The following SHQ1 variants were observed in gnomAD, a reference collection of about 807,000 sequenced individuals.
SHQ1 encodes SHQ1, H/ACA ribonucleoprotein assembly factor.
SHQ1 carries 49 observed loss-of-function variants against 53.8 expected under a neutral mutation model. The ratio of observed to expected loss-of-function variants is 0.91; its 90% confidence interval spans 0.72 to 1.16. The LOEUF (loss-of-function observed/expected upper bound fraction) is 1.16. Among genes scored for constraint, SHQ1 ranks in the 50% most tolerant of loss-of-function variants. The pLI, the probability that SHQ1 is intolerant of heterozygous loss-of-function variation, is 0.00. For missense variants in SHQ1, 738 were observed against 683.1 expected, an observed-to-expected ratio of 1.08 and a Z score of -0.90; for synonymous variants, 243 against 251.0, an observed-to-expected ratio of 0.97 and a Z score of 0.30.
chr3:72,842,154 T>C, intron 3 of SHQ1, 126 bp downstream of exon 3: 1 of 1,010,976 alleles, frequency 9.9e-7, no homozygotes, highest in Non-Finnish European at 1.4e-6. Context: ...TGGTTTCACA[T>C]GATCACCTTA....
chr3:72,766,804 C>T (rs768970095), intron 10 of SHQ1, among the ~76,000 whole-genome samples: 27 of 152,062 alleles, frequency 1.8e-4, no homozygotes, highest in Non-Finnish European at 2.9e-4. Flanking sequence ...CTAATCAATC[C>T]CCAGCTGGAG....
At chr3:72,754,381 CTTCT>C (rs1559658507) in intron 10 of SHQ1, among the ~76,000 whole-genome samples, 2 of 150,106 alleles carry the variant, frequency 1.3e-5, no homozygotes, top group African/African-American at 2.5e-5. Context: ...TCTTTTTCTT[CTTCT>C]TTTTTTTTTT....
intron 10 of SHQ1, among the ~76,000 whole-genome samples, chr3:72,783,841 C>A (rs1706144470): frequency 6.6e-6 from 1 of 152,026 alleles, no homozygotes; most frequent in Non-Finnish European, 1.5e-5. Flanking sequence ...AGCATTTAAG[C>A]TCTTGAATAA....
At chr3:72,842,899 C>G (rs996259291) in intron 2 of SHQ1, among the ~76,000 whole-genome samples, 1 of 152,032 alleles carries the variant, frequency 6.6e-6, no homozygotes, top group African/African-American at 2.4e-5. Context: ...CATGGTGAAA[C>G]CCCATCTCTA....
At chr3:72,738,835 C>T in the SHQ1 span, among the ~76,000 whole-genome samples, 18 of 152,342 alleles carry the variant, frequency 1.2e-4, no homozygotes, top group Non-Finnish European at 2.1e-4. Flanking sequence ...GACCCTCCTC[C>T]AGGCACCTGC....
At chr3:72,755,242 T>G (rs1705475313) in intron 10 of SHQ1, among the ~76,000 whole-genome samples, 1 of 151,568 alleles carries the variant, frequency 6.6e-6, no homozygotes, top group South Asian at 2.1e-4. Context: ...TACAATAAGT[T>G]GATGGATGGA....
the SHQ1 span, among the ~76,000 whole-genome samples, chr3:72,737,607 T>C: frequency 1.1e-3 from 173 of 152,240 alleles, no homozygotes; most frequent in Non-Finnish European, 1.9e-3. Flanking sequence ...GCATATAACC[T>C]ATGTGCATCC....
intron 6 of SHQ1, among the ~76,000 whole-genome samples, chr3:72,819,711 G>T (rs1707419774): frequency 6.6e-6 from 1 of 152,100 alleles, no homozygotes; most frequent in African/African-American, 2.4e-5. Context: ...AACATGTTTT[G>T]TTCAAGGGTC....
At chr3:72,732,396 T>G in the SHQ1 span, among the ~76,000 whole-genome samples, 11 of 133,526 alleles carry the variant, frequency 8.2e-5, no homozygotes, top group African/African-American at 3.3e-4. Context: ...CTGCCTTCCT[T>G]CCTTCCTTCC....
downstream of SHQ1, among the ~76,000 whole-genome samples, chr3:72,746,840 AGG>A (rs1444821506): frequency 6.6e-6 from 1 of 152,206 alleles, no homozygotes; most frequent in African/African-American, 2.4e-5. Context: ...GAAGTAAATG[AGG>A]GGAGTTACAG....
chr3:72,763,022 T>TACACACACACACAC (rs35278618), intron 10 of SHQ1, among the ~76,000 whole-genome samples: 1 of 132,648 alleles, frequency 7.5e-6, no homozygotes, highest in Non-Finnish European at 1.6e-5. Context: ...CATCTTGTTT[T>TACACACACACACAC]ACACACACAC....
the SHQ1 span, among the ~76,000 whole-genome samples, chr3:72,726,323 G>A: frequency 6.6e-6 from 1 of 152,072 alleles, no homozygotes; most frequent in Non-Finnish European, 1.5e-5. Context: ...AGGGCAGTAA[G>A]ATATGTATCT....
chr3:72,806,877 C>A (rs144238323), intron 9 of SHQ1, among the ~76,000 whole-genome samples: 3 of 152,120 alleles, frequency 2.0e-5, no homozygotes, highest in Non-Finnish European at 4.4e-5. Context: ...GCACTTACCA[C>A]GGCTGACTAT....
chr3:72,791,234 T>G (rs1706425005), intron 10 of SHQ1, among the ~76,000 whole-genome samples: 1 of 152,176 alleles, frequency 6.6e-6, no homozygotes, highest in East Asian at 1.9e-4. Flanking sequence ...CCATTTAATT[T>G]TATTATGAAA....
At chr3:72,792,874 G>C in intron 10 of SHQ1, 42 bp downstream of exon 10, 1 of 1,437,734 alleles carries the variant, frequency 7.0e-7, no homozygotes, top group Non-Finnish European at 9.4e-7. Flanking sequence ...TTTCAGCAAT[G>C]TGAACATCTA....
At chr3:72,784,298 A>T (rs1266396649) in intron 10 of SHQ1, among the ~76,000 whole-genome samples, 3 of 152,100 alleles carry the variant, frequency 2.0e-5, no homozygotes, top group African/African-American at 7.2e-5. Context: ...TTAGTCTTAG[A>T]TCTGTAGGAA....
chr3:72,842,845 G>C (rs1370925487), intron 2 of SHQ1, among the ~76,000 whole-genome samples: 1 of 151,618 alleles, frequency 6.6e-6, no homozygotes, highest in African/African-American at 2.4e-5. Context: ...GGAGGCCGAG[G>C]CAGGCGGATC....
At chr3:72,799,509 C>T (rs746411678) in intron 9 of SHQ1, among the ~76,000 whole-genome samples, 1 of 152,100 alleles carries the variant, frequency 6.6e-6, no homozygotes, top group Non-Finnish European at 1.5e-5. Context: ...CAGGCCCTAT[C>T]GGGAAGTAGA....
At chr3:72,831,389 C>A (rs376391063) in intron 5 of SHQ1, among the ~76,000 whole-genome samples, 1 of 152,172 alleles carries the variant, frequency 6.6e-6, no homozygotes, top group East Asian at 1.9e-4. Context: ...TACAAAATGA[C>A]AAATGGAGAG....
Sources: gnomAD v4.1 joint callset for allele counts (sites outside exome capture counted in the v4.1 genomes callset) on GRCh38, gnomAD v4.1.1 for gene constraint, MANE v1.5 for transcripts, NCBI Gene and HGNC (gene_info 2026-07-23, HGNC 2026-07-21) for gene names.